ADARB2: variants seen among roughly 807,000 people sequenced by gnomAD.
ADARB2 encodes the protein adenosine deaminase RNA specific B2 (inactive), also known as inactive double-stranded RNA-specific editase B2.
A neutral mutation model predicts 62.2 loss-of-function variants in ADARB2; 25 were observed. The observed-to-expected ratio is 0.40, with a 90% CI of 0.29 to 0.56. The LOEUF (loss-of-function observed/expected upper bound fraction) is 0.56, where lower values mean the gene tolerates loss of function less well. Among genes scored for constraint, ADARB2 ranks in the 20% least tolerant of loss-of-function variants. ADARB2 has a pLI of 0.43. For synonymous variants in ADARB2, 572 were observed against 500.8 expected (o/e 1.14, Z -1.90); for missense variants, 1,071 against 1,077.4 (o/e 0.99, Z 0.08).
intron 1 of ADARB2, among the ~76,000 whole-genome samples, chr10:1,684,987 TAGTGTGAGTTCTG>T (rs1157600670): frequency 2.6e-5 from 4 of 151,834 alleles, no homozygotes; most frequent in Admixed American, 6.6e-5. Context: ...AAGCCAAGGA[TAGTGTGAGTTCTG>T]AGTGTGGGTT....
intron 1 of ADARB2, among the ~76,000 whole-genome samples, chr10:1,727,362 C>T (rs1835179536): frequency 6.6e-6 from 1 of 152,174 alleles, no homozygotes; most frequent in South Asian, 2.1e-4. Flanking sequence ...GTCATGGAAG[C>T]CACCTCCAAA....
intron 1 of ADARB2, among the ~76,000 whole-genome samples, chr10:1,468,767 G>C (rs958757575): frequency 6.6e-6 from 1 of 152,224 alleles, no homozygotes; most frequent in African/African-American, 2.4e-5. Flanking sequence ...CGGAAGCGAC[G>C]GGGCGTGCAT....
At chr10:1,304,307 T>A (rs1328639245) in intron 3 of ADARB2, among the ~76,000 whole-genome samples, 6 of 151,178 alleles carry the variant, frequency 4.0e-5, no homozygotes, top group Non-Finnish European at 7.4e-5. Context: ...AAGGGATCAA[T>A]TCAACAAGAA....
rs1272837513 is a variant in ADARB2, at chr10:1,593,215, AC to A, written c.100+143835del. On this transcript the variant is annotated intron_variant, in intron 1 of 9. Coordinates refer to ENST00000381312, the MANE Select transcript of ADARB2 (RefSeq NM_018702.4). The stretch of plus-strand genomic sequence containing the variant: ...TCACCCAGCTCCCTTCGCCCAAGCC[AC>A]CCTCCATAGGTCTCCTCTCTGGCAT... Among the ~76,000 whole-genome samples the A allele has an allele frequency of 3.9e-5, 5 of 129,654 alleles. 1 individual carries two copies. The highest frequency in any genetic ancestry group is 6.5e-5 in the Non-Finnish European group (4 of 61,910). The allele number at this position is 129,654 out of a possible 152,430, so 85.1% of individuals were successfully genotyped here.
At chr10:1,232,469 A>G (rs907708767) in intron 6 of ADARB2, among the ~76,000 whole-genome samples, 1 of 148,172 alleles carries the variant, frequency 6.7e-6, no homozygotes, top group African/African-American at 2.5e-5. Flanking sequence ...TATGGCATAT[A>G]TGGCATGCGT....
At chr10:1,305,725 C>T (rs1831620639) in intron 3 of ADARB2, among the ~76,000 whole-genome samples, 3 of 152,128 alleles carry the variant, frequency 2.0e-5, no homozygotes, top group Admixed American at 2.0e-4. Context: ...GGCTTCATCC[C>T]TGGGATGCAA....
intron 4 of ADARB2, among the ~76,000 whole-genome samples, chr10:1,245,384 C>T (rs1053933459): frequency 2.6e-5 from 4 of 151,966 alleles, no homozygotes; most frequent in South Asian, 4.2e-4. Context: ...ATGTGCACAA[C>T]GTGCAGGTTA....
intron 1 of ADARB2, among the ~76,000 whole-genome samples, chr10:1,468,975 C>T (rs993618248): frequency 6.6e-6 from 1 of 152,224 alleles, no homozygotes; most frequent in African/African-American, 2.4e-5. Flanking sequence ...GCCCAAGTGG[C>T]CCCGCTGGGC....
chr10:1,212,704 C>T (rs1403516678), intron 7 of ADARB2, among the ~76,000 whole-genome samples: 1 of 151,494 alleles, frequency 6.6e-6, no homozygotes, highest in Non-Finnish European at 1.5e-5. Context: ...CTCACTGTGG[C>T]AGGCACCCTG....
intron 1 of ADARB2, among the ~76,000 whole-genome samples, chr10:1,676,958 AG>A (rs1834473702): frequency 6.6e-6 from 1 of 152,206 alleles, no homozygotes; most frequent in Non-Finnish European, 1.5e-5. Context: ...TCCTGTTTTC[AG>A]GGAGACCCTC....
rs139229660 is a variant in ADARB2, at chr10:1,736,498, T to C, written c.100+553A>G. 2.0e-5 allele frequency among the ~76,000 whole-genome samples: 3 copies of C among 152,348 alleles called. No homozygotes were observed. The East Asian group carries it at 5.8e-4, about 29-fold the overall frequency. On this transcript the variant is annotated intron_variant, in intron 1 of 9. Coordinates refer to ENST00000381312, the MANE Select transcript of ADARB2 (RefSeq NM_018702.4). ...TCCTGTATTCATTTCTGCTTATTTC[T>C]CCAAGGACGAGCCCTGTGTTCTCTT... is the stretch of plus-strand genomic sequence containing the variant.
At chr10:1,348,033 G>C (rs1415761192) in intron 3 of ADARB2, among the ~76,000 whole-genome samples, 3 of 151,916 alleles carry the variant, frequency 2.0e-5, no homozygotes, top group Non-Finnish European at 4.4e-5. Flanking sequence ...GACCGAGAGA[G>C]ACAGAGACAG....
intron 1 of ADARB2, among the ~76,000 whole-genome samples, chr10:1,528,113 C>T (rs942213241): frequency 2.6e-5 from 4 of 152,208 alleles, no homozygotes; most frequent in African/African-American, 9.6e-5. Context: ...TGCAGCCTCT[C>T]GACAAACTCG....
At chr10:1,496,123 C>T (rs1175172118) in intron 1 of ADARB2, among the ~76,000 whole-genome samples, 2 of 151,562 alleles carry the variant, frequency 1.3e-5, no homozygotes, top group Non-Finnish European at 2.9e-5. Flanking sequence ...TCATCATTAT[C>T]GTTATCTTAG....
intron 3 of ADARB2, among the ~76,000 whole-genome samples, chr10:1,325,212 CAG>C (rs1831833618): frequency 6.6e-6 from 1 of 152,216 alleles, no homozygotes; most frequent in Non-Finnish European, 1.5e-5. Context: ...TCCGTGGACA[CAG>C]AGTCCTCTAC....
At chr10:1,444,592 A>G (rs544777111) in intron 1 of ADARB2, among the ~76,000 whole-genome samples, 11 of 142,794 alleles carry the variant, frequency 7.7e-5, no homozygotes, top group Admixed American at 7.7e-4. Flanking sequence ...TCTATTCACC[A>G]TCTTTCTATC....
chr10:1,599,063 A>T (rs1833375810), intron 1 of ADARB2, among the ~76,000 whole-genome samples: 1 of 152,226 alleles, frequency 6.6e-6, no homozygotes, highest in Admixed American at 6.5e-5. Flanking sequence ...TAACGGGAGG[A>T]CTCAAAAGAA....
intron 1 of ADARB2, among the ~76,000 whole-genome samples, chr10:1,644,565 A>G (rs10903529): frequency 0.29 from 44,206 of 152,216 alleles, 7,442 homozygotes; most frequent in East Asian, 0.44. Flanking sequence ...GGTGACAGAG[A>G]AATGTGCAGG....
intron 1 of ADARB2, among the ~76,000 whole-genome samples, chr10:1,619,279 A>G (rs1833680025): frequency 7.3e-6 from 1 of 137,412 alleles, no homozygotes; most frequent in African/African-American, 2.6e-5. Context: ...AGACACAAAT[A>G]CATTGAAAGT....
Sources: gnomAD v4.1 joint callset for allele counts (sites outside exome capture counted in the v4.1 genomes callset) on GRCh38, gnomAD v4.1.1 for gene constraint, MANE v1.5 for transcripts, NCBI Gene and HGNC (gene_info 2026-07-23, HGNC 2026-07-21) for gene names.